ZDHHC11B: variants seen among roughly 807,000 people sequenced by gnomAD.
ZDHHC11B encodes the protein probable palmitoyltransferase ZDHHC11B.
In ZDHHC11B, 17 loss-of-function variants were observed where a neutral mutation model predicts 42.3. The observed-to-expected ratio is 0.40, with a 90% CI of 0.27 to 0.60. ZDHHC11B has a LOEUF of 0.60. Ranked by LOEUF, ZDHHC11B falls within the 20% of genes least tolerant of loss-of-function variation. The probability of loss-of-function intolerance (pLI) is 0.41; values close to 1 mark genes in which losing one functional copy is unlikely to be tolerated. For synonymous variants in ZDHHC11B, 123 were observed against 193.5 expected (o/e 0.64, Z 3.02); for missense variants, 262 against 463.2 (o/e 0.57, Z 3.99).
chr5:760,485 C>T (rs1734459672), intron 4 of ZDHHC11B, among the ~76,000 whole-genome samples: 3 of 151,638 alleles, frequency 2.0e-5, no homozygotes, highest in East Asian at 1.9e-4. Flanking sequence ...AGCCAGCACC[C>T]GATTCCAGAC....
intron 12 of ZDHHC11B, among the ~76,000 whole-genome samples, chr5:724,193 G>A (rs1742392963): frequency 6.6e-6 from 1 of 150,798 alleles, no homozygotes; most frequent in African/African-American, 2.5e-5. Flanking sequence ...ACACTTACGT[G>A]TTCCATCTTT....
intron 4 of ZDHHC11B, 62 bp from the exon 5 acceptor site, chr5:756,206 G>A: frequency 1.3e-6 from 2 of 1,501,544 alleles, no homozygotes; most frequent in East Asian, 2.4e-5. Context: ...GCGTCCCCGT[G>A]AGGCCCAAGG....
rs2455363 is a variant in ZDHHC11B at position 770,688 on chromosome 5, T to C, written c.-229-1758A>G. On this transcript the variant is annotated intron_variant, in intron 1 of 13. Coordinates refer to ENST00000508859, the MANE Select transcript of ZDHHC11B (RefSeq NM_001351303.2). Reference sequence around the variant, plus strand: ...ATGGAGCTTTAGGCTGGGGAGGGTGTGTGGTGGCCCTGGGGGTGCCTCAGG... The same window carrying C: ...ATGGAGCTTTAGGCTGGGGAGGGTGCGTGGTGGCCCTGGGGGTGCCTCAGG... 2.9e-4 allele frequency among the ~76,000 whole-genome samples: 44 copies of C among 152,038 alleles called. 2 individuals are homozygous for C. Among genetic ancestry groups the C allele is most frequent in the Admixed American group, 1.2e-3 (18 of 15,280 alleles).
intron 1 of ZDHHC11B, among the ~76,000 whole-genome samples, chr5:774,960 C>G (rs994233483): frequency 1.4e-4 from 21 of 152,126 alleles, no homozygotes; most frequent in Admixed American, 1.2e-3. Context: ...GTGGCTGAGC[C>G]TTGCTGGCAG....
intron 4 of ZDHHC11B, among the ~76,000 whole-genome samples, chr5:765,258 C>T (rs185788533): frequency 2.4e-4 from 36 of 151,538 alleles, no homozygotes; most frequent in Non-Finnish European, 3.7e-4. Flanking sequence ...ATGTCTAGCT[C>T]GAGGTTTGTA....
chr5:750,550 C>G (rs1579343376), intron 7 of ZDHHC11B, among the ~76,000 whole-genome samples: 2 of 130,744 alleles, frequency 1.5e-5, no homozygotes, highest in African/African-American at 5.0e-5. Context: ...AGGCCCATTT[C>G]CCGAGGATGC....
intron 11 of ZDHHC11B, among the ~76,000 whole-genome samples, chr5:731,143 C>A (rs1271539474): frequency 1.3e-5 from 2 of 151,514 alleles, no homozygotes; most frequent in African/African-American, 4.9e-5. Flanking sequence ...TGAAGCTTTG[C>A]CAAACTGCTC....
chr5:715,221 T>A (rs1463321693), intron 13 of ZDHHC11B, among the ~76,000 whole-genome samples: 3 of 150,262 alleles, frequency 2.0e-5, no homozygotes, highest in Non-Finnish European at 4.4e-5. Context: ...CGGAAGGGAG[T>A]CCACAGCTCC....
chr5:744,744 A>C (rs1744555456), intron 9 of ZDHHC11B, among the ~76,000 whole-genome samples: 1 of 148,194 alleles, frequency 6.7e-6, no homozygotes, highest in Admixed American at 6.9e-5. Context: ...AGTGGCATAC[A>C]TCTGCGATCC....
intron 12 of ZDHHC11B, among the ~76,000 whole-genome samples, chr5:722,787 G>A (rs1270391278): frequency 3.3e-5 from 5 of 151,446 alleles, no homozygotes; most frequent in South Asian, 2.1e-4. Flanking sequence ...AGTGTGGTAC[G>A]GGGTGGAACA....
chr5:714,127 C>A (rs1414545746), intron 13 of ZDHHC11B, among the ~76,000 whole-genome samples: 2 of 133,892 alleles, frequency 1.5e-5, no homozygotes, highest in African/African-American at 6.0e-5. Context: ...CGTGCACACA[C>A]ACACCCTTAA....
intron 4 of ZDHHC11B, among the ~76,000 whole-genome samples, chr5:757,240 T>C (rs1733985261): frequency 6.6e-6 from 1 of 151,938 alleles, no homozygotes; most frequent in South Asian, 2.1e-4. Flanking sequence ...GCCCTCACAG[T>C]GTGGCCTAAG....
At chr5:719,415 A>G in intron 12 of ZDHHC11B, among the ~76,000 whole-genome samples, 1 of 151,714 alleles carries the variant, frequency 6.6e-6, no homozygotes, top group Non-Finnish European at 1.5e-5. Context: ...GAAGTCACTG[A>G]CAACTAAATA....
intron 1 of ZDHHC11B, among the ~76,000 whole-genome samples, chr5:776,282 C>T (rs1185402927): frequency 4.0e-5 from 6 of 151,858 alleles, no homozygotes; most frequent in Admixed American, 2.6e-4. Context: ...CAATGTCCCA[C>T]GGCCACAGGT....
chr5:756,360 A>G (rs1287942679), intron 4 of ZDHHC11B, among the ~76,000 whole-genome samples: 1 of 150,752 alleles, frequency 6.6e-6, no homozygotes, highest in Non-Finnish European at 1.5e-5. Context: ...CCCTTCACAC[A>G]CAGCCCTGCT....
chr5:732,538 G>C (rs983301022), intron 11 of ZDHHC11B: 8 of 388,502 alleles, frequency 2.1e-5, no homozygotes, highest in Non-Finnish European at 3.6e-5. Flanking sequence ...ATCTTTGCTG[G>C]AAGTGCAGGC....
At position 753,075 on chromosome 5, in the gene ZDHHC11B, C is replaced by T. The variant is rs1434824026; in HGVS notation, c.504-1818G>A. Among the ~76,000 whole-genome samples the T allele has an allele frequency of 6.5e-3, 836 of 127,968 alleles. 6 individuals carry two copies. The highest frequency in any genetic ancestry group is 0.02 in the African/African-American group (792 of 39,570). 84.0% of individuals were successfully genotyped at this position (127,968 alleles called of 152,430 possible). A position where few individuals can be genotyped will look rare whatever the true frequency, so the allele number is the denominator to read the frequency against. On this transcript the variant is annotated intron_variant, in intron 6 of 13. Transcript: ENST00000508859. Reference sequence around the variant, plus strand: ...CTGCCTGTGTTTAACCTGCAGAGTCCGAGGCCAGCGCTCGCAGTCTTCCCA... The same window carrying T: ...CTGCCTGTGTTTAACCTGCAGAGTCTGAGGCCAGCGCTCGCAGTCTTCCCA...
intron 12 of ZDHHC11B, among the ~76,000 whole-genome samples, chr5:727,766 C>T (rs1202467648): frequency 8.0e-6 from 1 of 125,192 alleles, no homozygotes; most frequent in African/African-American, 3.0e-5. Flanking sequence ...TTAGCTCTCT[C>T]CCTGTATGCA....
chr5:777,776 C>G (rs1453876240), intron 1 of ZDHHC11B, among the ~76,000 whole-genome samples: 1 of 151,988 alleles, frequency 6.6e-6, no homozygotes, highest in Non-Finnish European at 1.5e-5. Context: ...CTATCGGATC[C>G]TGAGCCCCGC....
Sources: allele counts gnomAD v4.1 joint callset (sites outside exome capture counted in the v4.1 genomes callset), GRCh38; gene constraint gnomAD v4.1.1; transcripts MANE v1.5; gene names NCBI Gene and HGNC (gene_info 2026-07-23, HGNC 2026-07-21).